SLIT3: variants seen among roughly 807,000 people sequenced by gnomAD.
SLIT3 encodes slit guidance ligand 3, also known as slit homolog 3 protein.
Under a neutral mutation model 184.0 loss-of-function variants are expected in SLIT3, and 68 were observed. That is an observed-to-expected ratio of 0.37 (90% CI 0.30 to 0.45). SLIT3 has a LOEUF of 0.45. Ranked by LOEUF, SLIT3 falls within the 20% of genes least tolerant of loss-of-function variation. The probability of loss-of-function intolerance (pLI) is 1.00; values close to 1 mark genes in which losing one functional copy is unlikely to be tolerated. For synonymous variants in SLIT3, 831 were observed against 828.6 expected, an observed-to-expected ratio of 1.00 and a Z score of -0.05; for missense variants, 1,707 against 2,026.0, an observed-to-expected ratio of 0.84 and a Z score of 3.02.
chr5:168,777,668 G>A (rs1755810379), intron 12 of SLIT3, among the ~76,000 whole-genome samples: 1 of 152,232 alleles, frequency 6.6e-6, no homozygotes, highest in Non-Finnish European at 1.5e-5. Context: ...AAACACAAAA[G>A]GGCAGAGTCT....
At chr5:168,884,547 G>GATATATATATATATATATATAT in intron 4 of SLIT3, among the ~76,000 whole-genome samples, 1 of 9,318 alleles carries the variant, frequency 1.1e-4, no homozygotes, top group African/African-American at 5.1e-4. Context: ...TACCAATTAC[G>GATATATATATATATATATATAT]AGATATATAT....
chr5:169,005,095 G>A (rs1168830482), intron 4 of SLIT3, among the ~76,000 whole-genome samples: 3 of 151,996 alleles, frequency 2.0e-5, no homozygotes, highest in African/African-American at 7.2e-5. Context: ...GTATTTTTAA[G>A]CAATAAAGTA....
chr5:169,238,543 C>CA (rs1765280101), intron 3 of SLIT3, among the ~76,000 whole-genome samples: 2 of 117,140 alleles, frequency 1.7e-5, no homozygotes, highest in Admixed American at 8.9e-5. Flanking sequence ...AGTGAAATAG[C>CA]TTTTTTTTTT....
rs1760960181 is a variant in SLIT3 at position 168,664,170 on chromosome 5, G to A, written c.*2284C>T. Reference sequence around the variant, plus strand: ...AATATATATCTATTTCACAATTAGAGTGGTATCTGATGTATAATAAAGTAC... The same window carrying A: ...AATATATATCTATTTCACAATTAGAATGGTATCTGATGTATAATAAAGTAC... On this transcript the variant is annotated 3_prime_UTR_variant, in exon 36 of 36. Coordinates refer to ENST00000519560, the MANE Select transcript of SLIT3 (RefSeq NM_003062.4). 6.6e-6 allele frequency: 1 copy of A among 152,184 alleles called. No individual in the cohort carries two copies. Among genetic ancestry groups the A allele is most frequent in the South Asian group, 2.1e-4 (1 of 4,830 alleles). 9.4% of individuals were successfully genotyped at this position (152,184 alleles called of 1,614,324 possible). A position where few individuals can be genotyped will look rare whatever the true frequency, so the allele number is the denominator to read the frequency against.
intron 32 of SLIT3, among the ~76,000 whole-genome samples, chr5:168,676,097 AC>A (rs956314248): frequency 1.4e-5 from 2 of 145,766 alleles, no homozygotes; most frequent in African/African-American, 5.1e-5. Context: ...CTACCCACCC[AC>A]CCTCCTCTGC....
intron 4 of SLIT3, among the ~76,000 whole-genome samples, chr5:168,895,973 T>A (rs1293060831): frequency 6.6e-6 from 1 of 152,114 alleles, no homozygotes; most frequent in East Asian, 1.9e-4. Flanking sequence ...CTGCCACTAG[T>A]CTCGTGCCAA....
At chr5:169,150,019 G>A (rs1459879695) in intron 4 of SLIT3, among the ~76,000 whole-genome samples, 6 of 152,194 alleles carry the variant, frequency 3.9e-5, no homozygotes, top group African/African-American at 7.2e-5. Context: ...CCACCATCAC[G>A]TGGCCAGTGT....
chr5:169,001,487 T>TC (rs1755702026), intron 4 of SLIT3, among the ~76,000 whole-genome samples: 1 of 152,126 alleles, frequency 6.6e-6, no homozygotes, highest in Admixed American at 6.5e-5. Flanking sequence ...GTCTTTTTTT[T>TC]CCCTCCTTAA....
At chr5:168,787,612 G>A (rs872544) in intron 11 of SLIT3, among the ~76,000 whole-genome samples, 7,563 of 152,058 alleles carry the variant, frequency 0.05, 597 homozygotes, top group African/African-American at 0.17. Context: ...ACATTATGTT[G>A]CTTAAATATG....
intron 1 of SLIT3, 25 bp from the exon 2 acceptor site, chr5:169,251,484 C>A: frequency 6.5e-7 from 1 of 1,545,516 alleles, no homozygotes; most frequent in South Asian, 1.1e-5. Flanking sequence ...AAATTCAGGT[C>A]AGATTTTTGT....
chr5:168,972,947 G>C (rs1185642387), intron 4 of SLIT3, among the ~76,000 whole-genome samples: 1 of 152,164 alleles, frequency 6.6e-6, no homozygotes, highest in East Asian at 1.9e-4. Context: ...CTCTTTAGGT[G>C]TAAGTTCCTG....
chr5:168,878,311 G>T (rs114607363), intron 5 of SLIT3, among the ~76,000 whole-genome samples: 1 of 152,170 alleles, frequency 6.6e-6, no homozygotes, highest in Admixed American at 6.5e-5. Flanking sequence ...AAGCAATTAG[G>T]GACTTCCTTC....
At chr5:168,933,314 C>G (rs919754) in intron 4 of SLIT3, among the ~76,000 whole-genome samples, 1 of 151,826 alleles carries the variant, frequency 6.6e-6, no homozygotes, top group Admixed American at 6.6e-5. Flanking sequence ...GAGGCCAAGG[C>G]GGGTGGATCA....
At chr5:169,116,823 G>T (rs1318831297) in intron 4 of SLIT3, among the ~76,000 whole-genome samples, 3 of 152,202 alleles carry the variant, frequency 2.0e-5, no homozygotes. Context: ...CATGTCCTCT[G>T]ATTCCCCCAC....
At chr5:168,858,928 G>C (rs1045826879) in intron 5 of SLIT3, among the ~76,000 whole-genome samples, 1 of 152,216 alleles carries the variant, frequency 6.6e-6, no homozygotes, top group African/African-American at 2.4e-5. Context: ...AAATGCAAAA[G>C]TGGGTGGCTG....
intron 5 of SLIT3, among the ~76,000 whole-genome samples, chr5:168,873,117 C>T (rs1056606738): frequency 2.0e-5 from 3 of 152,168 alleles, no homozygotes; most frequent in Non-Finnish European, 4.4e-5. Context: ...CCTCCATGCT[C>T]ACCAAATCTC....
intron 1 of SLIT3, among the ~76,000 whole-genome samples, chr5:169,291,696 T>A (rs1404837259): frequency 6.6e-6 from 1 of 152,184 alleles, no homozygotes; most frequent in East Asian, 1.9e-4. Context: ...GTTGAACTCA[T>A]CATGTTTGTC....
At chr5:169,279,495 T>A (rs1766925887) in intron 1 of SLIT3, among the ~76,000 whole-genome samples, 1 of 152,078 alleles carries the variant, frequency 6.6e-6, no homozygotes, top group Admixed American at 6.6e-5. Flanking sequence ...AAAGAGAAAT[T>A]TCTGTGACTT....
chr5:168,991,541 C>A (rs962688271), intron 4 of SLIT3, among the ~76,000 whole-genome samples: 14 of 152,250 alleles, frequency 9.2e-5, no homozygotes, highest in Non-Finnish European at 4.4e-5. Context: ...GGCCTCCCCA[C>A]TGCCCCCACC....
Sources: allele counts gnomAD v4.1 joint callset (sites outside exome capture counted in the v4.1 genomes callset), GRCh38; gene constraint gnomAD v4.1.1; transcripts MANE v1.5; gene names NCBI Gene and HGNC (gene_info 2026-07-23, HGNC 2026-07-21).